The following ANKS1B variants were observed in gnomAD, a reference collection of about 807,000 sequenced individuals.
The protein encoded by ANKS1B is ankyrin repeat and sterile alpha motif domain-containing protein 1B.
In ANKS1B, 36 loss-of-function variants were observed where a neutral mutation model predicts 148.3. The ratio of observed to expected loss-of-function variants is 0.24; its 90% CI spans 0.19 to 0.32. The LOEUF is 0.32. ANKS1B is among the 10% of genes least tolerant of loss of function. The probability of loss-of-function intolerance (pLI) is 1.00; values close to 1 mark genes in which losing one functional copy is unlikely to be tolerated. For missense variants in ANKS1B, 1,157 were observed against 1,542.6 expected (o/e 0.75, Z 4.19); for synonymous variants, 542 against 560.8 (o/e 0.97, Z 0.47).
At chr12:99,148,543 T>C (rs895000346) in intron 15 of ANKS1B, among the ~76,000 whole-genome samples, 14 of 152,140 alleles carry the variant, frequency 9.2e-5, no homozygotes, top group African/African-American at 3.4e-4. Flanking sequence ...GAACAATTAG[T>C]AGCTCTGCCA....
chr12:98,897,485 C>G (rs1213926654), intron 17 of ANKS1B, among the ~76,000 whole-genome samples: 2 of 152,154 alleles, frequency 1.3e-5, no homozygotes, highest in African/African-American at 4.8e-5. Context: ...CATTGCTAAT[C>G]ATCAGAGAAA....
chr12:98,747,205 T>C (rs759859868), intron 26 of ANKS1B, among the ~76,000 whole-genome samples: 14 of 152,052 alleles, frequency 9.2e-5, no homozygotes, highest in Middle Eastern at 3.4e-3. Flanking sequence ...AATAAGGGAC[T>C]CAAATAACTC....
At chr12:99,009,979 G>A (rs1277932872) in intron 17 of ANKS1B, among the ~76,000 whole-genome samples, 1 of 152,218 alleles carries the variant, frequency 6.6e-6, no homozygotes, top group African/African-American at 2.4e-5. Flanking sequence ...GTAGGATAAA[G>A]AAGATGTTGG....
intron 1 of ANKS1B, among the ~76,000 whole-genome samples, chr12:99,865,457 T>C (rs1030253162): frequency 2.0e-5 from 3 of 152,176 alleles, no homozygotes; most frequent in African/African-American, 7.2e-5. Flanking sequence ...AGTGCAACAC[T>C]TGCAGTTTCA....
At chr12:99,782,221 G>A (rs1162175919) in intron 4 of ANKS1B, 124 bp from the exon 5 acceptor site, 1 of 756,710 alleles carries the variant, frequency 1.3e-6, no homozygotes, top group African/African-American at 1.8e-5. Context: ...CTCCCTAACA[G>A]AAAGGTCATG....
At chr12:98,966,215 A>G (rs1000365083) in intron 17 of ANKS1B, among the ~76,000 whole-genome samples, 2 of 152,222 alleles carry the variant, frequency 1.3e-5, no homozygotes, top group Non-Finnish European at 2.9e-5. Flanking sequence ...AAAAACAAAC[A>G]ACCCCATCAA....
At chr12:99,839,248 T>TA (rs2085322690) in intron 1 of ANKS1B, among the ~76,000 whole-genome samples, 3 of 152,112 alleles carry the variant, frequency 2.0e-5, no homozygotes, top group African/African-American at 7.2e-5. Context: ...ATTGTCAAAT[T>TA]TAAAAAAAAG....
At chr12:98,892,073 T>C (rs1202007516) in intron 17 of ANKS1B, among the ~76,000 whole-genome samples, 1 of 152,254 alleles carries the variant, frequency 6.6e-6, no homozygotes. Context: ...TAATTGTTCA[T>C]TCCTCTCAGG....
At chr12:98,766,382 T>C (rs905800083) in intron 25 of ANKS1B, among the ~76,000 whole-genome samples, 3 of 152,260 alleles carry the variant, frequency 2.0e-5, no homozygotes, top group Admixed American at 1.3e-4. Flanking sequence ...TTCCTGCAGC[T>C]GACTTGCTGG....
At chr12:99,576,198 A>T (rs1412811326) in intron 9 of ANKS1B, among the ~76,000 whole-genome samples, 1 of 152,114 alleles carries the variant, frequency 6.6e-6, no homozygotes, top group African/African-American at 2.4e-5. Context: ...AAGAATACTT[A>T]ACTGTCCTAG....
intron 12 of ANKS1B, among the ~76,000 whole-genome samples, chr12:99,259,901 TAGG>T (rs1183785628): frequency 6.6e-6 from 1 of 152,206 alleles, no homozygotes; most frequent in Non-Finnish European, 1.5e-5. Flanking sequence ...AGTTCTGTGC[TAGG>T]AGTATTTCCC....
At chr12:99,118,036 T>C (rs2061821027) in intron 15 of ANKS1B, among the ~76,000 whole-genome samples, 1 of 152,220 alleles carries the variant, frequency 6.6e-6, no homozygotes, top group South Asian at 2.1e-4. Context: ...GTGGGATCAG[T>C]GGTGATATCC....
intron 17 of ANKS1B, among the ~76,000 whole-genome samples, chr12:99,049,939 C>A (rs1839039652): frequency 6.6e-6 from 1 of 152,196 alleles, no homozygotes; most frequent in Non-Finnish European, 1.5e-5. Flanking sequence ...AGGCAGGCTA[C>A]CCTTGCACTT....
chr12:99,694,559 AGAT>A (rs1368527652), intron 8 of ANKS1B, among the ~76,000 whole-genome samples: 1 of 152,152 alleles, frequency 6.6e-6, no homozygotes, highest in Non-Finnish European at 1.5e-5. Context: ...ATACTGTAAA[AGAT>A]AAATAAAACC....
At chr12:99,316,458 A>G (rs1276856976) in intron 12 of ANKS1B, among the ~76,000 whole-genome samples, 2 of 152,202 alleles carry the variant, frequency 1.3e-5, no homozygotes, top group African/African-American at 4.8e-5. Context: ...TGTTGGGGGC[A>G]TAAATGCTTT....
chr12:99,502,499 AG>A (rs142219010), intron 10 of ANKS1B, among the ~76,000 whole-genome samples: 12,678 of 152,140 alleles, frequency 0.083, 1,745 homozygotes, highest in African/African-American at 0.29. Flanking sequence ...TGAGGGTTTC[AG>A]TATTTGATTC....
At chr12:99,327,917 G>A (rs995182296) in intron 12 of ANKS1B, among the ~76,000 whole-genome samples, 1 of 151,488 alleles carries the variant, frequency 6.6e-6, no homozygotes. Flanking sequence ...TTAAACTAAC[G>A]GGATTATTTA....
intron 12 of ANKS1B, among the ~76,000 whole-genome samples, chr12:99,358,201 TATTG>T (rs565173413): frequency 6.6e-6 from 1 of 152,260 alleles, no homozygotes; most frequent in South Asian, 2.1e-4. Flanking sequence ...TAGTAAAACA[TATTG>T]ATTATTTTCT....
chr12:98,943,917 T>C (rs2153033868), intron 17 of ANKS1B, among the ~76,000 whole-genome samples: 1 of 152,278 alleles, frequency 6.6e-6, no homozygotes, highest in South Asian at 2.1e-4. Flanking sequence ...GTTGGGTTAT[T>C]GGGGTGGATC....
Sources: gnomAD v4.1 joint callset for allele counts (sites outside exome capture counted in the v4.1 genomes callset) on GRCh38, gnomAD v4.1.1 for gene constraint, MANE v1.5 for transcripts, NCBI Gene and HGNC (gene_info 2026-07-23, HGNC 2026-07-21) for gene names.